The following PCDH15 variants were observed in gnomAD, a reference collection of about 807,000 sequenced individuals.
PCDH15 encodes protocadherin related 15, also known as protocadherin-15.
Under a neutral mutation model 178.5 loss-of-function variants are expected in PCDH15, and 129 were observed. The observed-to-expected ratio is 0.72, with a 90% CI of 0.63 to 0.84. The LOEUF (loss-of-function observed/expected upper bound fraction) is 0.84, where lower values mean the gene tolerates loss of function less well. PCDH15 is among the 40% of genes least tolerant of loss of function. The pLI is 0.00. For synonymous variants in PCDH15, 800 were observed against 732.0 expected, an observed-to-expected ratio of 1.09 and a Z score of -1.50; for missense variants, 2,230 against 2,099.9, an observed-to-expected ratio of 1.06 and a Z score of -1.21.
rs794727570 is a variant in PCDH15, at chr10:53,822,092, TTC to T, written c.4368-1864_4368-1863del. 6.2e-7 allele frequency: 1 copy of T among 1,614,066 alleles called. No individual in the cohort carries two copies. Among genetic ancestry groups the T allele is most frequent in the Non-Finnish European group, 8.5e-7 (1 of 1,179,946 alleles). ...TAACGTGTCTGAGGATGCCTTTTGG[TTC>T]TCTCTGAGGGTCTGTTTTACACACT... is the stretch of plus-strand genomic sequence containing the variant. On this transcript the variant is annotated intron_variant, in intron 32 of 37. Coordinates refer to ENST00000644397, the MANE Select transcript of PCDH15 (RefSeq NM_001384140.1).
chr10:54,462,230 G>A (rs1465978779), intron 3 of PCDH15, among the ~76,000 whole-genome samples: 7 of 151,722 alleles, frequency 4.6e-5, no homozygotes, highest in South Asian at 2.1e-4. Context: ...CTGTAAAGTC[G>A]ATATTTAATG....
At chr10:55,522,857 T>C (rs1340282317) in intron 2 of PCDH15, among the ~76,000 whole-genome samples, 1 of 151,776 alleles carries the variant, frequency 6.6e-6, no homozygotes, top group Non-Finnish European at 1.5e-5. Context: ...TCATTGTTTT[T>C]TGACTGATTT....
intron 2 of PCDH15, among the ~76,000 whole-genome samples, chr10:55,470,272 G>A (rs1279702601): frequency 1.3e-5 from 2 of 151,906 alleles, no homozygotes; most frequent in African/African-American, 2.4e-5. Context: ...CGTGAACCCA[G>A]GAGGCAGAGA....
At chr10:55,341,987 T>C (rs1844612912) in intron 2 of PCDH15, among the ~76,000 whole-genome samples, 1 of 149,876 alleles carries the variant, frequency 6.7e-6, no homozygotes, top group Non-Finnish European at 1.5e-5. Context: ...GATTATCAAT[T>C]AGATTTGAAC....
chr10:54,514,895 G>A (rs1464756441), intron 3 of PCDH15, among the ~76,000 whole-genome samples: 1 of 152,144 alleles, frequency 6.6e-6, no homozygotes, highest in Admixed American at 6.5e-5. Flanking sequence ...TTATAATAGT[G>A]TTCCATAAAA....
At position 54,409,023 on chromosome 10, in the gene PCDH15, C is replaced by G. The variant is rs369984844; in HGVS notation, c.158-30081G>C. Among the ~76,000 whole-genome samples, 8 of 152,262 alleles carry G rather than the reference C, an allele frequency of 5.3e-5. No homozygotes were observed. The East Asian group carries it at 1.5e-3, about 29-fold the overall frequency. On this transcript the variant is annotated intron_variant, in intron 3 of 37. Transcript: ENST00000644397. ...TAATTGAATCATGGGGGCAGTTTCT[C>G]CCACAGTATTCTCATGGTAGTGAAT...
chr10:55,394,423 G>C (rs1837873620), intron 2 of PCDH15, among the ~76,000 whole-genome samples: 1 of 151,732 alleles, frequency 6.6e-6, no homozygotes, highest in Non-Finnish European at 1.5e-5. Context: ...TAAGTGAGAA[G>C]GCTTTAAAGC....
chr10:55,369,562 C>T (rs1213513876), intron 2 of PCDH15, among the ~76,000 whole-genome samples: 1 of 152,018 alleles, frequency 6.6e-6, no homozygotes, highest in Non-Finnish European at 1.5e-5. Context: ...CCAGACTATA[C>T]AAATACATTA....
intron 9 of PCDH15, among the ~76,000 whole-genome samples, chr10:54,226,337 A>G (rs185658035): frequency 6.6e-6 from 1 of 152,258 alleles, no homozygotes; most frequent in East Asian, 1.9e-4. Context: ...GAGAACAGCA[A>G]CGGAAAGACT....
intron 13 of PCDH15, among the ~76,000 whole-genome samples, chr10:54,157,514 G>C (rs1378808988): frequency 6.6e-6 from 1 of 152,168 alleles, no homozygotes; most frequent in Non-Finnish European, 1.5e-5. Context: ...CCCTGGGCCT[G>C]CCCATGAAAC....
At chr10:55,612,666 T>C (rs2132161278) in intron 2 of PCDH15, among the ~76,000 whole-genome samples, 1 of 152,284 alleles carries the variant, frequency 6.6e-6, no homozygotes, top group African/African-American at 2.4e-5. Context: ...TCTCTCAAAG[T>C]AGCAAAACAT....
rs530200216 is a variant in PCDH15 at position 53,879,178 on chromosome 10, T to C, written c.3502-12321A>G. Among the ~76,000 whole-genome samples, 4 of 152,268 alleles carry C rather than the reference T, an allele frequency of 2.6e-5. No homozygotes were observed. The East Asian group carries it at 5.8e-4, about 22-fold the overall frequency. ...CATCGTGTCACTGGCTATAAATTCT[T>C]TGGAAGCAGGACCATTTTCTGAATC... On this transcript the variant is annotated intron_variant, in intron 26 of 37. Transcript: ENST00000644397.
Position 54,587,144 on chromosome 10 carries a change from C to A in PCDH15, c.92-59267G>T, listed in dbSNP as rs112360975. 9.3e-3 allele frequency among the ~76,000 whole-genome samples: 1,421 copies of A among 152,238 alleles called. 15 individuals carry two copies. The highest frequency in any genetic ancestry group is 0.014 in the Non-Finnish European group (932 of 68,014). On this transcript the variant is annotated intron_variant, in intron 2 of 37. Coordinates refer to ENST00000644397, the MANE Select transcript of PCDH15 (RefSeq NM_001384140.1). The stretch of plus-strand genomic sequence containing the variant: ...AACAGGTGTGCTTCATGATCAGTGA[C>A]CATTGGCATCATCTTTTTAAATGTC...
intron 2 of PCDH15, among the ~76,000 whole-genome samples, chr10:55,043,030 T>C (rs1840906923): frequency 6.6e-6 from 1 of 152,122 alleles, no homozygotes; most frequent in Non-Finnish European, 1.5e-5. Flanking sequence ...CTCATTCATT[T>C]TCATGACTTT....
In PCDH15 at chr10:54,834,551, G is replaced by GA. The variant is rs548207375; in HGVS notation, c.-29+62898dup. The stretch of plus-strand genomic sequence containing the variant: ...TTCTTACAATATGTATGATAGCTGT[G>GA]AAAAAAACAGAATAAGAAAGAAAGA... On this transcript the variant is annotated intron_variant, in intron 3 of 5. Transcript: ENST00000458638. 1.3e-3 allele frequency among the ~76,000 whole-genome samples: 199 copies of GA among 149,826 alleles called. 2 individuals are homozygous for GA. The highest frequency in any genetic ancestry group is 2.8e-4 in the Non-Finnish European group (19 of 67,468).
At chr10:55,324,114 A>C (rs1040632585), upstream of PCDH15, among the ~76,000 whole-genome samples, 7 of 152,120 alleles carry the variant, frequency 4.6e-5, no homozygotes, top group Non-Finnish European at 8.8e-5. Flanking sequence ...GACTGGGCCC[A>C]GGCATCCTCA....
intron 2 of PCDH15, among the ~76,000 whole-genome samples, chr10:54,995,886 CA>C (rs1839631500): frequency 6.6e-6 from 1 of 152,080 alleles, no homozygotes; most frequent in Non-Finnish European, 1.5e-5. Context: ...TATTTTCTCA[CA>C]CATGGTTACA....
At chr10:54,923,227 T>C (rs1706760) in intron 2 of PCDH15, among the ~76,000 whole-genome samples, 24,544 of 137,524 alleles carry the variant, frequency 0.18, 6,068 homozygotes, top group Middle Eastern at 0.29. Flanking sequence ...CTGGGTGCCA[T>C]ATCCAGAGGC....
intron 3 of PCDH15, among the ~76,000 whole-genome samples, chr10:54,478,043 A>T (rs754196070): frequency 3.3e-5 from 5 of 152,120 alleles, no homozygotes; most frequent in Non-Finnish European, 5.9e-5. Flanking sequence ...GTGAGATTTT[A>T]TGGTGGTCAA....
Sources: allele counts gnomAD v4.1 joint callset (sites outside exome capture counted in the v4.1 genomes callset), GRCh38; gene constraint gnomAD v4.1.1; transcripts MANE v1.5; gene names NCBI Gene and HGNC (gene_info 2026-07-23, HGNC 2026-07-21).